The following STIL variants were observed in gnomAD, a reference collection of about 807,000 sequenced individuals.
STIL encodes the protein SCL-interrupting locus protein.
In STIL, 55 loss-of-function variants were observed where a neutral mutation model predicts 110.1. That is an observed-to-expected ratio of 0.50 (90% confidence interval 0.40 to 0.63). STIL has a LOEUF of 0.63. Among genes scored for constraint, STIL ranks in the 20% least tolerant of loss-of-function variants. The probability of loss-of-function intolerance (pLI) is 0.00; values close to 1 mark genes in which losing one functional copy is unlikely to be tolerated. For synonymous variants in STIL, 481 were observed against 530.0 expected, an observed-to-expected ratio of 0.91 and a Z score of 1.27; for missense variants, 1,358 against 1,530.0, an observed-to-expected ratio of 0.89 and a Z score of 1.87.
At chr1:47,288,584 G>A (rs190224304) in intron 9 of STIL, among the ~76,000 whole-genome samples, 2 of 151,688 alleles carry the variant, frequency 1.3e-5, no homozygotes, top group Non-Finnish European at 2.9e-5. Context: ...GGTGTGAGCC[G>A]CCACGCCTGG....
chr1:47,289,398 AAC>A, intron 9 of STIL, 35 bp downstream of exon 9: 1 of 1,601,978 alleles, frequency 6.2e-7, no homozygotes. Context: ...CAAAACCCTA[AAC>A]AGTCACTAAT....
At chr1:47,301,211 G>A (rs1645794778) in intron 5 of STIL, among the ~76,000 whole-genome samples, 1 of 152,036 alleles carries the variant, frequency 6.6e-6, no homozygotes, top group South Asian at 2.1e-4. Context: ...CCGAAGTGTT[G>A]GGATTAAAGA....
chr1:47,253,118 G>A (rs1020442802), intron 16 of STIL, among the ~76,000 whole-genome samples: 1 of 152,136 alleles, frequency 6.6e-6, no homozygotes, highest in African/African-American at 2.4e-5. Context: ...TACCCAGCCT[G>A]CTAATTACTG....
intron 15 of STIL, among the ~76,000 whole-genome samples, chr1:47,261,763 T>A (rs1967758): frequency 0.42 from 61,800 of 146,734 alleles, 14,933 homozygotes; most frequent in South Asian, 0.55. Context: ...AAAAAAAAAA[T>A]TAGCCAGGCA....
intron 15 of STIL, among the ~76,000 whole-genome samples, chr1:47,260,884 A>C (rs1480489619): frequency 2.0e-5 from 3 of 152,220 alleles, no homozygotes; most frequent in Admixed American, 1.3e-4. Flanking sequence ...AAATTAAAAA[A>C]AAGTTAAAAA....
At chr1:47,272,383 C>A (rs772525993) in intron 12 of STIL, 142 bp from the exon 13 acceptor site, 165 of 796,104 alleles carry the variant, frequency 2.1e-4, no homozygotes, top group Non-Finnish European at 3.2e-4. Flanking sequence ...CTAGACCATA[C>A]CATGAAACTT....
intron 10 of STIL, chr1:47,283,353 C>G (rs1328644652): frequency 1.3e-5 from 2 of 152,210 alleles, no homozygotes; most frequent in East Asian, 3.8e-4. Flanking sequence ...TACAATGAAG[C>G]AATCAGAATG....
chr1:47,293,052 C>A (rs1645540076), intron 8 of STIL, among the ~76,000 whole-genome samples: 2 of 152,272 alleles, frequency 1.3e-5, no homozygotes, highest in South Asian at 4.1e-4. Context: ...AATCTTGTCT[C>A]AAGTATTTCT....
At chr1:47,288,673 T>C (rs539763293) in intron 9 of STIL, among the ~76,000 whole-genome samples, 1 of 152,182 alleles carries the variant, frequency 6.6e-6, no homozygotes, top group South Asian at 2.1e-4. Flanking sequence ...TAACAATCTA[T>C]TCTGATTCCT....
At chr1:47,311,277 T>TTTTTC (rs1646116091) in intron 1 of STIL, among the ~76,000 whole-genome samples, 1 of 77,644 alleles carries the variant, frequency 1.3e-5, no homozygotes. Flanking sequence ...TTTCTTTTCT[T>TTTTTC]TTTTTCTTTT....
upstream of STIL, among the ~76,000 whole-genome samples, chr1:47,314,594 T>C (rs946028286): frequency 2.6e-5 from 4 of 152,326 alleles, no homozygotes; most frequent in East Asian, 3.9e-4. Context: ...AAAGTTAGAG[T>C]TATTCCAGTT....
At chr1:47,309,399 T>TAGGATTAC (rs1646058623) in intron 2 of STIL, among the ~76,000 whole-genome samples, 1 of 152,058 alleles carries the variant, frequency 6.6e-6, no homozygotes, top group Non-Finnish European at 1.5e-5. Context: ...CCCAAAGTGC[T>TAGGATTAC]AGGATTACAG....
At position 47,299,827 on chromosome 1, in the gene STIL, C is replaced by T. The variant is rs1645750811; in HGVS notation, c.701+78G>A. On this transcript the variant is annotated intron_variant, in intron 6 of 16. Coordinates refer to ENST00000371877, the MANE Select transcript of STIL (RefSeq NM_001048166.1). ...ATCTCTGGCATATAAATTGACTGGACAATTCTTTCACATTACATGGACATT... is the reference window on the plus strand; with the variant it reads ...ATCTCTGGCATATAAATTGACTGGATAATTCTTTCACATTACATGGACATT... The T allele has an allele frequency of 3.5e-5, 51 of 1,461,074 alleles. 1 individual carries two copies. The South Asian group carries it at 5.8e-4, about 17-fold the overall frequency. The allele number at this position is 1,461,074 out of a possible 1,614,324, so 90.5% of individuals were successfully genotyped here. A position where few individuals can be genotyped will look rare whatever the true frequency, so the allele number is the denominator to read the frequency against.
At chr1:47,306,132 G>A (rs1043741853) in intron 2 of STIL, among the ~76,000 whole-genome samples, 1 of 151,964 alleles carries the variant, frequency 6.6e-6, no homozygotes, top group Non-Finnish European at 1.5e-5. Context: ...CTATGCATAT[G>A]TAAATTTATG....
intron 14 of STIL, among the ~76,000 whole-genome samples, chr1:47,265,241 A>AG: frequency 6.8e-6 from 1 of 147,370 alleles, no homozygotes; most frequent in African/African-American, 2.6e-5. Context: ...ATCTCCCAAA[A>AG]AAAAAAAAAA....
intron 14 of STIL, among the ~76,000 whole-genome samples, chr1:47,264,289 C>T (rs1348168263): frequency 6.6e-6 from 1 of 151,998 alleles, no homozygotes; most frequent in Non-Finnish European, 1.5e-5. Context: ...GTTTCCAGTC[C>T]TCAGAACAAT....
At chr1:47,310,464 A>G (rs1646090969) in intron 1 of STIL, 102 bp from the exon 2 acceptor site, 1 of 686,852 alleles carries the variant, frequency 1.5e-6, no homozygotes, top group African/African-American at 1.8e-5. Context: ...GATTACTTAT[A>G]TGAAGTGTGA....
At chr1:47,302,171 C>G (rs1645823393) in intron 4 of STIL, 63 bp downstream of exon 4, 1 of 1,240,076 alleles carries the variant, frequency 8.1e-7, no homozygotes, top group South Asian at 1.2e-5. Flanking sequence ...TCCTCCCACT[C>G]CAGCCTCCCA....
intron 8 of STIL, among the ~76,000 whole-genome samples, chr1:47,289,820 T>C (rs1645424337): frequency 6.6e-6 from 1 of 151,796 alleles, no homozygotes; most frequent in Non-Finnish European, 1.5e-5. Flanking sequence ...AAACAAAATT[T>C]TATTTTATTC....
Sources: allele counts gnomAD v4.1 joint callset (sites outside exome capture counted in the v4.1 genomes callset), GRCh38; gene constraint gnomAD v4.1.1; transcripts MANE v1.5; gene names NCBI Gene and HGNC (gene_info 2026-07-23, HGNC 2026-07-21).